Variants in GRIK1 observed in about 807,000 individuals in gnomAD.
The protein encoded by GRIK1 is glutamate receptor ionotropic, kainate 1.
A neutral mutation model predicts 105.7 loss-of-function variants in GRIK1; 69 were observed. The observed-to-expected ratio is 0.65, with a 90% CI of 0.54 to 0.80. The LOEUF (loss-of-function observed/expected upper bound fraction) is 0.80. Ranked by LOEUF, GRIK1 falls within the 30% of genes least tolerant of loss-of-function variation. The probability of loss-of-function intolerance (pLI) is 0.00; values close to 1 mark genes in which losing one functional copy is unlikely to be tolerated. For synonymous variants in GRIK1, 438 were observed against 431.3 expected, an observed-to-expected ratio of 1.02 and a Z score of -0.19; for missense variants, 1,109 against 1,167.3, an observed-to-expected ratio of 0.95 and a Z score of 0.73.
At chr21:29,596,709 A>G (rs548256741) in intron 8 of GRIK1, 139 bp from the exon 9 acceptor site, 194 of 717,666 alleles carry the variant, frequency 2.7e-4, no homozygotes, top group Non-Finnish European at 3.9e-4. Context: ...TCTTAATTCA[A>G]TATAAAGCCT....
intron 1 of GRIK1, among the ~76,000 whole-genome samples, chr21:29,841,607 A>G (rs1454326136): frequency 1.3e-5 from 2 of 152,182 alleles, no homozygotes; most frequent in African/African-American, 4.8e-5. Context: ...ACAAAGGAAC[A>G]TAAATGATTG....
intron 1 of GRIK1, among the ~76,000 whole-genome samples, chr21:29,817,312 G>T (rs1338780052): frequency 6.6e-6 from 1 of 152,058 alleles, no homozygotes; most frequent in Admixed American, 6.6e-5. Flanking sequence ...AAAAATTATA[G>T]ATATTGAAAT....
chr21:29,833,078 G>A (rs1192967541), intron 1 of GRIK1, among the ~76,000 whole-genome samples: 1 of 152,164 alleles, frequency 6.6e-6, no homozygotes, highest in African/African-American at 2.4e-5. Context: ...GATCTCTAGG[G>A]TAGGGGCACA....
chr21:29,785,561 CAAAAAAAAAA>C (rs950219193), intron 1 of GRIK1, among the ~76,000 whole-genome samples: 1 of 58,022 alleles, frequency 1.7e-5, no homozygotes, highest in Non-Finnish European at 3.3e-5. Context: ...GAGACTGTCT[CAAAAAAAAAA>C]AAAAAAAAAA....
At chr21:29,922,874 C>T (rs375915205) in intron 1 of GRIK1, among the ~76,000 whole-genome samples, 10 of 152,216 alleles carry the variant, frequency 6.6e-5, no homozygotes, top group African/African-American at 1.9e-4. Context: ...TTTATTTCCT[C>T]AGGAAGAATC....
intron 1 of GRIK1, among the ~76,000 whole-genome samples, chr21:29,848,779 A>ATATATATATATATATATATATATT: frequency 6.4e-5 from 5 of 77,848 alleles, no homozygotes; most frequent in African/African-American, 2.9e-4. Context: ...ATATATATAT[A>ATATATATATATATATATATATATT]TTTTTTTTTT....
At position 29,562,227 on chromosome 21, in the gene GRIK1, A is replaced by G. The variant is rs375570833; in HGVS notation, c.2131-378T>C. 1.2e-4 allele frequency among the ~76,000 whole-genome samples: 19 copies of G among 152,284 alleles called. No individual in the cohort carries two copies. The South Asian group carries it at 3.5e-3, about 28-fold the overall frequency. ...TATAAGTTTCAATCCTTGATCTAGC[A>G]TTCTTCTGCTGGGGAGAGCCCTGGA... On this transcript the variant is annotated intron_variant, in intron 14 of 17. Transcript: ENST00000327783.
At chr21:29,741,648 C>T (rs1199451755) in intron 1 of GRIK1, among the ~76,000 whole-genome samples, 1 of 152,178 alleles carries the variant, frequency 6.6e-6, no homozygotes. Flanking sequence ...TTGAAGGATA[C>T]ATCTTGATAT....
chr21:29,934,220 G>C (rs987078934), intron 1 of GRIK1, among the ~76,000 whole-genome samples: 4 of 152,172 alleles, frequency 2.6e-5, no homozygotes, highest in Non-Finnish European at 5.9e-5. Context: ...ATTCTGGAGA[G>C]TCCACTGATA....
intron 1 of GRIK1, among the ~76,000 whole-genome samples, chr21:29,715,088 A>G (rs543073586): frequency 6.6e-6 from 1 of 152,130 alleles, no homozygotes; most frequent in South Asian, 2.1e-4. Flanking sequence ...TAACCAACCT[A>G]TCTCTCATAA....
At chr21:29,703,342 G>C (rs575657928) in intron 1 of GRIK1, among the ~76,000 whole-genome samples, 3 of 152,166 alleles carry the variant, frequency 2.0e-5, no homozygotes, top group Non-Finnish European at 4.4e-5. Flanking sequence ...TTGCATTCCT[G>C]TGGAATAATA....
intron 7 of GRIK1, among the ~76,000 whole-genome samples, chr21:29,626,803 A>T (rs1454213327): frequency 2.0e-5 from 3 of 152,230 alleles, no homozygotes; most frequent in Non-Finnish European, 4.4e-5. Context: ...TGAATCACCC[A>T]GCATATTTTC....
chr21:29,761,797 G>T (rs1410332841), intron 1 of GRIK1, among the ~76,000 whole-genome samples: 1 of 145,002 alleles, frequency 6.9e-6, no homozygotes, highest in Non-Finnish European at 1.5e-5. Context: ...GCCCAGGCTG[G>T]AGTGAAATGG....
chr21:29,898,545 T>C (rs1304341161), intron 1 of GRIK1, among the ~76,000 whole-genome samples: 3 of 152,144 alleles, frequency 2.0e-5, no homozygotes, highest in African/African-American at 7.2e-5. Context: ...GAAGATTCCA[T>C]CTGGAAAAAG....
intron 7 of GRIK1, among the ~76,000 whole-genome samples, chr21:29,642,495 C>T (rs150072949): frequency 2.2e-3 from 331 of 152,336 alleles, no homozygotes; most frequent in African/African-American, 7.7e-3. Context: ...GATCAACTCT[C>T]CCCTTGACTC....
chr21:29,823,759 A>T (rs2067369559), intron 1 of GRIK1, among the ~76,000 whole-genome samples: 1 of 151,832 alleles, frequency 6.6e-6, no homozygotes, highest in East Asian at 1.9e-4. Flanking sequence ...TTTTGTTTTA[A>T]CCTGTGCTAT....
At chr21:29,900,077 C>G (rs1165608885) in intron 1 of GRIK1, among the ~76,000 whole-genome samples, 6 of 91,582 alleles carry the variant, frequency 6.6e-5, no homozygotes, top group African/African-American at 2.2e-4. Flanking sequence ...TTATGAGACT[C>G]TGTCTCAAAA....
At position 29,560,341 on chromosome 21, in the gene GRIK1, TTC is replaced by T. The variant is rs1226687407; in HGVS notation, c.2356+1281_2356+1282del. Among the ~76,000 whole-genome samples, 603 of 116,608 alleles carry T rather than the reference TTC, an allele frequency of 5.2e-3. 4 individuals carry two copies. Among genetic ancestry groups the T allele is most frequent in the Middle Eastern group, 8.6e-3 (2 of 232 alleles). The allele number at this position is 116,608 out of a possible 152,430, so 76.5% of individuals were successfully genotyped here. ...TTTCTTTCTTTCTTTCTTTCTTTCTTTCTTTCTTTCTTTCTTTTTCTTTCTTC... is the reference window on the plus strand; with the variant it reads ...TTTCTTTCTTTCTTTCTTTCTTTCTTTTTCTTTCTTTCTTTTTCTTTCTTC... On this transcript the variant is annotated intron_variant, in intron 15 of 17. Transcript: ENST00000327783.
chr21:29,694,931 C>G (rs1347144494), intron 1 of GRIK1, among the ~76,000 whole-genome samples: 2 of 152,190 alleles, frequency 1.3e-5, no homozygotes, highest in Admixed American at 1.3e-4. Flanking sequence ...TTCCAAAGTG[C>G]ATGAGAATAT....
Sources: allele counts gnomAD v4.1 joint callset (sites outside exome capture counted in the v4.1 genomes callset), GRCh38; gene constraint gnomAD v4.1.1; transcripts MANE v1.5; gene names NCBI Gene and HGNC (gene_info 2026-07-23, HGNC 2026-07-21).